GDPD1: variants seen among roughly 807,000 people sequenced by gnomAD.
GDPD1 encodes the protein glycerophosphodiester phosphodiesterase domain containing 1.
Under a neutral mutation model 45.1 loss-of-function variants are expected in GDPD1, and 28 were observed. The ratio of observed to expected loss-of-function variants is 0.62; its 90% CI spans 0.46 to 0.85. The LOEUF (loss-of-function observed/expected upper bound fraction) is 0.85. GDPD1 is among the 40% of genes least tolerant of loss of function. The pLI, the probability that GDPD1 is intolerant of heterozygous loss-of-function variation, is 0.00. For missense variants in GDPD1, 256 were observed against 364.8 expected (o/e 0.70, Z 2.43); for synonymous variants, 139 against 131.4 (o/e 1.06, Z -0.40).
At chr17:59,234,046 A>G (rs2047112192) in intron 1 of GDPD1, among the ~76,000 whole-genome samples, 1 of 152,126 alleles carries the variant, frequency 6.6e-6, no homozygotes, top group Non-Finnish European at 1.5e-5. Flanking sequence ...AGGCCCAAGC[A>G]TTTTGGATAA....
chr17:59,268,955 A>T (rs2047422537), intron 7 of GDPD1, among the ~76,000 whole-genome samples: 1 of 152,024 alleles, frequency 6.6e-6, no homozygotes, highest in African/African-American at 2.4e-5. Context: ...GCGCCACTGC[A>T]CTCCAGCCTG....
chr17:59,267,489 A>G (rs2047407530), intron 7 of GDPD1, among the ~76,000 whole-genome samples: 1 of 152,056 alleles, frequency 6.6e-6, no homozygotes, highest in Admixed American at 6.6e-5. Flanking sequence ...ACTTTCCCTT[A>G]TTGCTTTCTA....
chr17:59,245,389 T>C, intron 2 of GDPD1, 25 bp from the exon 3 acceptor site: 2 of 1,596,392 alleles, frequency 1.3e-6, no homozygotes, highest in Non-Finnish European at 1.7e-6. Context: ...AAGTGTCAGA[T>C]GTCATTCTTC....
chr17:59,228,170 TAAAAAAA>T (rs36140380), intron 1 of GDPD1, among the ~76,000 whole-genome samples: 2 of 91,658 alleles, frequency 2.2e-5, no homozygotes, highest in Admixed American at 1.3e-4. Flanking sequence ...AGACTCCATC[TAAAAAAA>T]AAAAAAAAAA....
At chr17:59,268,578 C>CAAAAAAAAA (rs1176390251) in intron 7 of GDPD1, among the ~76,000 whole-genome samples, 11 of 35,358 alleles carry the variant, frequency 3.1e-4, no homozygotes, top group African/African-American at 6.5e-4. Flanking sequence ...GACTCTGTCT[C>CAAAAAAAAA]AAAAAAAAAA....
At chr17:59,258,170 T>G (rs2047324259) in intron 6 of GDPD1, among the ~76,000 whole-genome samples, 1 of 152,018 alleles carries the variant, frequency 6.6e-6, no homozygotes, top group Admixed American at 6.6e-5. Context: ...CAAGCAATCC[T>G]CCTGCCTTGG....
At chr17:59,263,595 CAG>C (rs2047376168) in intron 6 of GDPD1, among the ~76,000 whole-genome samples, 1 of 150,380 alleles carries the variant, frequency 6.6e-6, no homozygotes, top group African/African-American at 2.5e-5. Flanking sequence ...TCTCCTCCCT[CAG>C]CCTCCCGAGT....
chr17:59,229,614 C>T (rs978789859), intron 1 of GDPD1, among the ~76,000 whole-genome samples: 7 of 152,028 alleles, frequency 4.6e-5, no homozygotes, highest in East Asian at 1.9e-4. Flanking sequence ...CCGCCCGCCT[C>T]GGCCTCCCAA....
intron 2 of GDPD1, among the ~76,000 whole-genome samples, chr17:59,237,867 C>T (rs994543065): frequency 6.7e-6 from 1 of 149,502 alleles, no homozygotes; most frequent in East Asian, 2.0e-4. Context: ...ATGAGGAGTT[C>T]GAGACCAGCT....
At position 59,274,131 on chromosome 17, in the gene GDPD1, ACTAGGTTAT is replaced by A. The variant is rs1229326680; in HGVS notation, c.*368_*376del. ...AGAAATCTTGATCAATAACCTAGAA[ACTAGGTTAT>A]CTAGGTTATTGATCAAGATTTCTGT... On this transcript the variant is annotated 3_prime_UTR_variant, in exon 10 of 10. Transcript: ENST00000284116. The A allele has an allele frequency of 1.8e-5, 15 of 830,382 alleles. No homozygotes were observed. The South Asian group carries it at 2.2e-4, about 12-fold the overall frequency. 51.4% of individuals were successfully genotyped at this position (830,382 alleles called of 1,614,324 possible). A position where few individuals can be genotyped will look rare whatever the true frequency, so the allele number is the denominator to read the frequency against.
intron 6 of GDPD1, among the ~76,000 whole-genome samples, chr17:59,259,433 G>T (rs2047335278): frequency 6.6e-6 from 1 of 151,776 alleles, no homozygotes; most frequent in African/African-American, 2.4e-5. Context: ...CAGGCGTAGT[G>T]GTGGGCGCCT....
chr17:59,228,573 A>C (rs901951890), intron 1 of GDPD1, among the ~76,000 whole-genome samples: 1 of 152,104 alleles, frequency 6.6e-6, no homozygotes, highest in Non-Finnish European at 1.5e-5. Context: ...AAATAAGTGG[A>C]TATTATAGCT....
intron 6 of GDPD1, among the ~76,000 whole-genome samples, chr17:59,266,679 G>A (rs2047401520): frequency 6.6e-6 from 1 of 152,028 alleles, no homozygotes; most frequent in Non-Finnish European, 1.5e-5. Context: ...TTAAACAGGA[G>A]TAAAGTTACT....
chr17:59,254,029 T>C (rs1456598747), intron 4 of GDPD1, among the ~76,000 whole-genome samples: 1 of 142,294 alleles, frequency 7.0e-6, no homozygotes, highest in Non-Finnish European at 1.5e-5. Flanking sequence ...AAGGCCAACC[T>C]GGCCAACAAA....
chr17:59,266,960 G>C, intron 6 of GDPD1, 81 bp from the exon 7 acceptor site: 1 of 1,163,582 alleles, frequency 8.6e-7, no homozygotes, highest in Non-Finnish European at 1.3e-6. Flanking sequence ...CATTGTCTTG[G>C]GAAATACTGA....
chr17:59,259,200 C>G (rs775629171), intron 6 of GDPD1, among the ~76,000 whole-genome samples: 29 of 148,294 alleles, frequency 2.0e-4, no homozygotes, highest in Non-Finnish European at 3.1e-4. Context: ...GAGGCCGAGG[C>G]AGGCGGATCA....
intron 4 of GDPD1, among the ~76,000 whole-genome samples, chr17:59,252,685 G>A (rs971519511): frequency 4.1e-4 from 62 of 151,608 alleles, no homozygotes; most frequent in Admixed American, 5.9e-4. Flanking sequence ...GCAACAGAGC[G>A]AGACTGTCTC....
At chr17:59,257,422 CAG>C (rs1402157875) in intron 5 of GDPD1, among the ~76,000 whole-genome samples, 182 bp downstream of exon 5, 1 of 152,254 alleles carries the variant, frequency 6.6e-6, no homozygotes, top group South Asian at 2.1e-4. Flanking sequence ...AGCCTATTTT[CAG>C]AGAGAGTTGG....
At chr17:59,234,242 T>C (rs113578579) in intron 1 of GDPD1, among the ~76,000 whole-genome samples, 3,970 of 151,872 alleles carry the variant, frequency 0.026, 194 homozygotes, top group African/African-American at 0.089. Flanking sequence ...TCCCAGCTGC[T>C]CAGGAGGCTG....
Sources: allele counts gnomAD v4.1 joint callset (sites outside exome capture counted in the v4.1 genomes callset), GRCh38; gene constraint gnomAD v4.1.1; transcripts MANE v1.5; gene names NCBI Gene and HGNC (gene_info 2026-07-23, HGNC 2026-07-21).